Variants in CACNA2D3 observed in about 807,000 individuals in gnomAD.
CACNA2D3 encodes calcium voltage-gated channel auxiliary subunit alpha2delta 3, also known as voltage-dependent calcium channel subunit alpha-2/delta-3.
In CACNA2D3, 60 loss-of-function variants were observed where a neutral mutation model predicts 160.6. The ratio of observed to expected loss-of-function variants is 0.37; its 90% CI spans 0.30 to 0.46. CACNA2D3 has a LOEUF of 0.46. Among genes scored for constraint, CACNA2D3 ranks in the 20% least tolerant of loss-of-function variants. CACNA2D3 has a pLI of 1.00. For missense variants in CACNA2D3, 1,205 were observed against 1,365.0 expected (o/e 0.88, Z 1.85); for synonymous variants, 558 against 492.9 (o/e 1.13, Z -1.75).
At chr3:54,483,372 G>A (rs983104629) in intron 4 of CACNA2D3, among the ~76,000 whole-genome samples, 2 of 152,060 alleles carry the variant, frequency 1.3e-5, no homozygotes, top group East Asian at 3.9e-4. Context: ...TAGCCTTTAC[G>A]GGGTGCATGG....
chr3:54,736,316 TC>T (rs1701531627), intron 11 of CACNA2D3, among the ~76,000 whole-genome samples: 1 of 151,522 alleles, frequency 6.6e-6, no homozygotes, highest in South Asian at 2.1e-4. Context: ...TATAATTTAA[TC>T]CCCTTCTGTG....
chr3:55,038,727 AC>A (rs551688151), intron 35 of CACNA2D3, among the ~76,000 whole-genome samples: 3 of 151,836 alleles, frequency 2.0e-5, no homozygotes, highest in Non-Finnish European at 4.4e-5. Context: ...GTTCCATAAA[AC>A]CCACCTTGAG....
chr3:54,567,302 G>T (rs1702423829), intron 6 of CACNA2D3, among the ~76,000 whole-genome samples: 1 of 152,166 alleles, frequency 6.6e-6, no homozygotes, highest in Admixed American at 6.5e-5. Flanking sequence ...AAGTTATCTG[G>T]AAGGTATGTG....
intron 9 of CACNA2D3, among the ~76,000 whole-genome samples, chr3:54,621,872 T>G (rs576986902): frequency 7.2e-5 from 11 of 152,334 alleles, no homozygotes; most frequent in African/African-American, 2.6e-4. Flanking sequence ...AATTTTCACA[T>G]GTTGAAGACG....
chr3:54,201,232 C>T (rs1000390412), intron 2 of CACNA2D3, among the ~76,000 whole-genome samples: 1 of 152,110 alleles, frequency 6.6e-6, no homozygotes, highest in Non-Finnish European at 1.5e-5. Context: ...TTTCCTTTTA[C>T]CTTTTAAAGC....
intron 5 of CACNA2D3, among the ~76,000 whole-genome samples, chr3:54,559,064 A>G (rs9811439): frequency 0.76 from 114,744 of 151,478 alleles, 44,471 homozygotes; most frequent in Non-Finnish European, 0.83. Flanking sequence ...TTAATAACTC[A>G]TGTAGTCATT....
intron 9 of CACNA2D3, among the ~76,000 whole-genome samples, chr3:54,617,251 G>T (rs1339975832): frequency 6.6e-6 from 1 of 152,114 alleles, no homozygotes; most frequent in African/African-American, 2.4e-5. Context: ...GCCACTAAAA[G>T]GCTGTACCTC....
chr3:54,683,962 C>CT (rs61481695), intron 11 of CACNA2D3, among the ~76,000 whole-genome samples: 5,132 of 110,546 alleles, frequency 0.046, 286 homozygotes, highest in African/African-American at 0.13. Flanking sequence ...AAATTTCCAC[C>CT]TTTTTTTTTT....
chr3:54,188,147 TG>T lies in CACNA2D3; in HGVS notation c.204+64554del, dbSNP rs1279048541. Among the ~76,000 whole-genome samples the T allele has an allele frequency of 3.3e-5, 5 of 152,314 alleles. No homozygotes were observed. The East Asian group carries it at 9.7e-4, about 29-fold the overall frequency. On this transcript the variant is annotated intron_variant, in intron 2 of 37. Coordinates refer to ENST00000474759, the MANE Select transcript of CACNA2D3 (RefSeq NM_018398.3). ...TGTACACAGAACTCATTGTATAGAC[TG>T]TTAAGCGTAGGTCATGGTTGTGCTT...
intron 4 of CACNA2D3, among the ~76,000 whole-genome samples, chr3:54,392,746 C>T (rs1237642826): frequency 1.3e-5 from 2 of 152,120 alleles, no homozygotes; most frequent in African/African-American, 4.8e-5. Flanking sequence ...CCTAGAGCAG[C>T]TTACTCTACC....
At chr3:54,832,366 T>A (rs1482848944) in intron 14 of CACNA2D3, among the ~76,000 whole-genome samples, 1 of 152,154 alleles carries the variant, frequency 6.6e-6, no homozygotes, top group Non-Finnish European at 1.5e-5. Flanking sequence ...AGAGCTTGAC[T>A]GCTAAGAAAC....
At chr3:54,887,027 T>G (rs911099677) in intron 23 of CACNA2D3, among the ~76,000 whole-genome samples, 1 of 151,490 alleles carries the variant, frequency 6.6e-6, no homozygotes, top group African/African-American at 2.4e-5. Flanking sequence ...TTGAAAACTC[T>G]AGGATGCCTC....
rs532395766 is a variant in CACNA2D3, at chr3:54,662,833, A to G, written c.1167+20592A>G. Among the ~76,000 whole-genome samples, 4 of 152,350 alleles carry G rather than the reference A, an allele frequency of 2.6e-5. No homozygotes were observed. In the East Asian group the frequency reaches 7.7e-4, roughly 29 times the overall value. ...TTCAGTAGGAGTAACCAGGAGTTAG[A>G]GTCTTACATTTGAAGGTCAGAGAAG... On this transcript the variant is annotated intron_variant, in intron 11 of 37. Coordinates refer to ENST00000474759, the MANE Select transcript of CACNA2D3 (RefSeq NM_018398.3).
intron 2 of CACNA2D3, among the ~76,000 whole-genome samples, chr3:54,204,848 C>CATG (rs1344408951): frequency 4.1e-5 from 5 of 121,210 alleles, no homozygotes; most frequent in Non-Finnish European, 7.3e-5. Context: ...GAAATGGAGA[C>CATG]ATGGAAGAGG....
chr3:54,186,712 C>T (rs1700884460), intron 2 of CACNA2D3, among the ~76,000 whole-genome samples: 1 of 151,672 alleles, frequency 6.6e-6, no homozygotes, highest in Non-Finnish European at 1.5e-5. Flanking sequence ...TATGATATCT[C>T]TCCTTCCTTA....
chr3:54,640,366 T>C (rs1352158345), intron 10 of CACNA2D3, among the ~76,000 whole-genome samples: 2 of 152,250 alleles, frequency 1.3e-5, no homozygotes. Context: ...ATTTTGTATG[T>C]GTTTCCCATC....
chr3:54,852,020 C>T (rs1699069036), intron 17 of CACNA2D3, among the ~76,000 whole-genome samples: 1 of 152,172 alleles, frequency 6.6e-6, no homozygotes, highest in African/African-American at 2.4e-5. Context: ...TATAGGACCT[C>T]CTCTTTCCTT....
intron 13 of CACNA2D3, among the ~76,000 whole-genome samples, chr3:54,815,730 T>C (rs140140756): frequency 6.6e-6 from 1 of 152,370 alleles, no homozygotes; most frequent in East Asian, 1.9e-4. Context: ...AGTTCCATTT[T>C]AGTTTTTCTC....
At chr3:54,374,105 G>A (rs1449189095) in intron 3 of CACNA2D3, among the ~76,000 whole-genome samples, 1 of 152,192 alleles carries the variant, frequency 6.6e-6, no homozygotes, top group Non-Finnish European at 1.5e-5. Context: ...GTTTAATAAA[G>A]GGAATTAAAG....
Sources: gnomAD v4.1 joint callset for allele counts (sites outside exome capture counted in the v4.1 genomes callset) on GRCh38, gnomAD v4.1.1 for gene constraint, MANE v1.5 for transcripts, NCBI Gene and HGNC (gene_info 2026-07-23, HGNC 2026-07-21) for gene names.